The following SFMBT2 variants were observed in gnomAD, a reference collection of about 807,000 sequenced individuals.
SFMBT2 encodes scm-like with four MBT domains protein 2.
In SFMBT2, 38 loss-of-function variants were observed where a neutral mutation model predicts 110.1. The observed-to-expected ratio is 0.35, with a 90% confidence interval of 0.27 to 0.45. The LOEUF is 0.45. Among genes scored for constraint, SFMBT2 ranks in the 20% least tolerant of loss-of-function variants. The probability of loss-of-function intolerance (pLI) is 1.00; values close to 1 mark genes in which losing one functional copy is unlikely to be tolerated. For synonymous variants in SFMBT2, 425 were observed against 425.4 expected (o/e 1.00, Z 0.01); for missense variants, 1,011 against 1,094.9 (o/e 0.92, Z 1.08).
intron 11 of SFMBT2, among the ~76,000 whole-genome samples, chr10:7,209,887 T>C (rs1413672338): frequency 6.6e-6 from 1 of 152,116 alleles, no homozygotes; most frequent in Non-Finnish European, 1.5e-5. Context: ...ATTGTAACAA[T>C]ACAACCATAG....
intron 9 of SFMBT2, among the ~76,000 whole-genome samples, chr10:7,237,554 C>A (rs1840295392): frequency 6.6e-6 from 1 of 152,094 alleles, no homozygotes; most frequent in African/African-American, 2.4e-5. Flanking sequence ...GGAGGGTGCT[C>A]ACCTTGCGGA....
chr10:7,228,691 CTT>C (rs1306628461), intron 9 of SFMBT2, among the ~76,000 whole-genome samples: 2 of 125,884 alleles, frequency 1.6e-5, no homozygotes, highest in Non-Finnish European at 3.3e-5. Flanking sequence ...TTCTTTCTTT[CTT>C]TCTTTCTTTC....
intron 10 of SFMBT2, among the ~76,000 whole-genome samples, chr10:7,225,549 T>C (rs1041806865): frequency 1.3e-5 from 2 of 152,146 alleles, no homozygotes; most frequent in Admixed American, 6.5e-5. Context: ...CTCCTGAACA[T>C]GCCCGCAGAT....
chr10:7,347,019 C>T (rs144259825), intron 4 of SFMBT2, among the ~76,000 whole-genome samples: 1,974 of 145,912 alleles, frequency 0.014, 21 homozygotes, highest in Middle Eastern at 0.038. Context: ...CAAAACAAAA[C>T]AAAACAAAAA....
At chr10:7,215,542 C>T in intron 11 of SFMBT2, 1 of 985,358 alleles carries the variant, frequency 1.0e-6, no homozygotes, top group African/African-American at 1.7e-5. Context: ...TACATGGGGG[C>T]TCCAGGGCAC....
chr10:7,263,007 C>T (rs1423236943), intron 7 of SFMBT2, among the ~76,000 whole-genome samples: 1 of 152,150 alleles, frequency 6.6e-6, no homozygotes, highest in East Asian at 1.9e-4. Flanking sequence ...GTTTAACAAA[C>T]CTCTTCAAGT....
intron 15 of SFMBT2, among the ~76,000 whole-genome samples, chr10:7,191,964 TC>T (rs1486450445): frequency 1.3e-5 from 2 of 152,150 alleles, no homozygotes; most frequent in Non-Finnish European, 2.9e-5. Flanking sequence ...TGCTACAAAA[TC>T]TTATCCTATG....
At chr10:7,393,016 TATATATATATATATATATAA>T (rs1408320566) in intron 1 of SFMBT2, among the ~76,000 whole-genome samples, 3,548 of 80,126 alleles carry the variant, frequency 0.044, 175 homozygotes, top group African/African-American at 0.18. Flanking sequence ...TATATATATA[TATATATATATATATATATAA>T]TTTTTTTTTT....
chr10:7,297,795 C>T (rs975905046), intron 4 of SFMBT2, among the ~76,000 whole-genome samples: 3 of 152,322 alleles, frequency 2.0e-5, no homozygotes, highest in South Asian at 2.1e-4. Flanking sequence ...TTTCACTTCA[C>T]GACGACACAC....
intron 20 of SFMBT2, among the ~76,000 whole-genome samples, chr10:7,165,054 C>A (rs978801499): frequency 6.6e-6 from 1 of 152,108 alleles, no homozygotes; most frequent in African/African-American, 2.4e-5. Context: ...GTCATTTGAC[C>A]GGACTGCTGA....
intron 1 of SFMBT2, among the ~76,000 whole-genome samples, chr10:7,405,613 A>G (rs1846189386): frequency 6.6e-6 from 1 of 152,218 alleles, no homozygotes; most frequent in African/African-American, 2.4e-5. Context: ...GAACATGAGT[A>G]TGAAAGATGA....
At chr10:7,212,614 C>A (rs1300811423) in intron 11 of SFMBT2, among the ~76,000 whole-genome samples, 1 of 152,226 alleles carries the variant, frequency 6.6e-6, no homozygotes, top group Non-Finnish European at 1.5e-5. Flanking sequence ...GCTAACATGA[C>A]TCTTACACTC....
Position 7,367,938 on chromosome 10 carries a change from A to T in SFMBT2, c.196-49T>A. ...AACCCATTACTACACTAGACACAAT[A>T]CATCCAGAAGATGACAAAAACCACT... On this transcript the variant is annotated intron_variant, in intron 3 of 20. Coordinates refer to ENST00000397167, the MANE Select transcript of SFMBT2 (RefSeq NM_001387889.1). This position sits in a 1 kb window ranked among gnomAD's most constrained non-coding sequence, Gnocchi z 6.2. 6.3e-7 allele frequency: 1 copy of T among 1,591,220 alleles called. No individual in the cohort carries two copies. Among genetic ancestry groups the T allele is most frequent in the Non-Finnish European group, 8.6e-7 (1 of 1,167,674 alleles).
chr10:7,348,888 C>A (rs1844207985), intron 4 of SFMBT2, among the ~76,000 whole-genome samples: 1 of 152,220 alleles, frequency 6.6e-6, no homozygotes, highest in South Asian at 2.1e-4. Flanking sequence ...CTCAGGCTCT[C>A]AGGGTGTTCA....
chr10:7,283,030 G>A (rs1252433804), intron 6 of SFMBT2, among the ~76,000 whole-genome samples: 3 of 152,114 alleles, frequency 2.0e-5, no homozygotes, highest in Non-Finnish European at 2.9e-5. Flanking sequence ...AATCTGAATT[G>A]CACTGCCTGT....
chr10:7,224,540 G>GA (rs1588356731), intron 10 of SFMBT2, among the ~76,000 whole-genome samples: 1 of 151,954 alleles, frequency 6.6e-6, no homozygotes, highest in African/African-American at 2.4e-5. Context: ...CTAAAAGTCT[G>GA]AAAAAAATGG....
intron 11 of SFMBT2, among the ~76,000 whole-genome samples, chr10:7,208,195 G>T (rs1388735229): frequency 6.6e-6 from 1 of 152,132 alleles, no homozygotes; most frequent in African/African-American, 2.4e-5. Context: ...CCGTCCTGAA[G>T]GGTGTGGGAT....
chr10:7,170,882 CAG>C lies in SFMBT2; in HGVS notation c.2544+44_2544+45del, dbSNP rs529869842. 8.1e-6 allele frequency: 13 copies of C among 1,612,142 alleles called. No individual in the cohort carries two copies. In the East Asian group the frequency reaches 2.7e-4, roughly 33 times the overall value. ...TAGGACACGAGGTTCATTTCAGATG[CAG>C]AGTCTCAGCACATCAAACAATCGAC... On this transcript the variant is annotated intron_variant, in intron 20 of 20. Coordinates refer to ENST00000397167, the MANE Select transcript of SFMBT2 (RefSeq NM_001387889.1). This position sits in a 1 kb window ranked among gnomAD's most constrained non-coding sequence, Gnocchi z 4.6.
intron 4 of SFMBT2, among the ~76,000 whole-genome samples, chr10:7,346,049 C>T (rs774779346): frequency 2.0e-5 from 3 of 152,274 alleles, no homozygotes; most frequent in East Asian, 3.9e-4. Context: ...CTCTGTCGCC[C>T]TCACCCCCCC....
Sources: gnomAD v4.1 joint callset for allele counts (sites outside exome capture counted in the v4.1 genomes callset) on GRCh38, gnomAD v4.1.1 for gene constraint, Gnocchi (gnomAD v3.1) non-coding constraint, MANE v1.5 for transcripts, NCBI Gene and HGNC (gene_info 2026-07-23, HGNC 2026-07-21) for gene names.